WSCD2: variants seen among roughly 807,000 people sequenced by gnomAD.
The protein encoded by WSCD2 is WSC domain sialate O sulfotransferase 2.
Under a neutral mutation model 55.7 loss-of-function variants are expected in WSCD2, and 28 were observed. That is an observed-to-expected ratio of 0.50 (90% CI 0.37 to 0.69). WSCD2 has a LOEUF of 0.69. WSCD2 is among the 30% of genes least tolerant of loss of function. The probability of loss-of-function intolerance (pLI) is 0.00; values close to 1 mark genes in which losing one functional copy is unlikely to be tolerated. For missense variants in WSCD2, 616 were observed against 762.1 expected, an observed-to-expected ratio of 0.81 and a Z score of 2.26; for synonymous variants, 301 against 301.9, an observed-to-expected ratio of 1.00 and a Z score of 0.03.
chr12:108,211,383 A>G lies in WSCD2; in HGVS notation c.682+1078A>G, dbSNP rs116552362. Among the ~76,000 whole-genome samples, 266 of 152,184 alleles carry G rather than the reference A, an allele frequency of 1.7e-3. 3 individuals are homozygous for G. The highest frequency in any genetic ancestry group is 6.3e-3 in the African/African-American group (260 of 41,512). On this transcript the variant is annotated intron_variant, in intron 4 of 8. Transcript: ENST00000547525. ...AGATCTTGTTAAAATGCAGATTCCA[A>G]TTCAGCAGGTTCAGGGAGATGCTGC...
intron 1 of WSCD2, among the ~76,000 whole-genome samples, chr12:108,165,599 A>C (rs920823352): frequency 6.6e-6 from 1 of 152,168 alleles, no homozygotes; most frequent in African/African-American, 2.4e-5. Flanking sequence ...TGTTCTTTCT[A>C]TATGGGACCC....
intron 6 of WSCD2, among the ~76,000 whole-genome samples, chr12:108,230,290 G>A (rs1405476063): frequency 1.3e-5 from 2 of 152,042 alleles, no homozygotes; most frequent in African/African-American, 2.4e-5. Context: ...ACTTGGCTTC[G>A]ACACAGATGT....
At chr12:108,151,850 C>T (rs1878037271) in intron 1 of WSCD2, among the ~76,000 whole-genome samples, 1 of 152,236 alleles carries the variant, frequency 6.6e-6, no homozygotes, top group South Asian at 2.1e-4. Context: ...ACAGATAACA[C>T]TTCTCATCTT....
chr12:108,240,007 C>T, intron 7 of WSCD2, among the ~76,000 whole-genome samples: 1 of 152,218 alleles, frequency 6.6e-6, no homozygotes, highest in East Asian at 1.9e-4. Flanking sequence ...AGGCGTGAGC[C>T]ACTGTGCCTA....
intron 1 of WSCD2, among the ~76,000 whole-genome samples, chr12:108,140,003 G>A (rs1316769450): frequency 1.3e-5 from 2 of 152,214 alleles, no homozygotes; most frequent in African/African-American, 4.8e-5. Flanking sequence ...AAAAGAGAGA[G>A]GGTGAGCTGA....
At chr12:108,130,623 C>T (rs1216376719) in intron 1 of WSCD2, among the ~76,000 whole-genome samples, 4 of 152,094 alleles carry the variant, frequency 2.6e-5, no homozygotes, top group Non-Finnish European at 1.5e-5. Flanking sequence ...AGCCAACTCA[C>T]CTCCTTGGCA....
At chr12:108,199,279 G>C (rs1884354307) in intron 2 of WSCD2, among the ~76,000 whole-genome samples, 1 of 152,234 alleles carries the variant, frequency 6.6e-6, no homozygotes. Context: ...GGCTCTGCTT[G>C]ATGCAGTGAT....
intron 4 of WSCD2, among the ~76,000 whole-genome samples, chr12:108,224,338 C>T (rs958866046): frequency 6.6e-6 from 1 of 152,116 alleles, no homozygotes; most frequent in African/African-American, 2.4e-5. Context: ...TCCCTCAGTC[C>T]TCAAACACTC....
At chr12:108,179,334 T>G (rs1296770373) in intron 1 of WSCD2, among the ~76,000 whole-genome samples, 1 of 152,196 alleles carries the variant, frequency 6.6e-6, no homozygotes, top group Non-Finnish European at 1.5e-5. Context: ...TCACTCCAGT[T>G]TGAGAACTCC....
intron 1 of WSCD2, among the ~76,000 whole-genome samples, chr12:108,131,520 G>A (rs1875502741): frequency 1.3e-5 from 2 of 152,308 alleles, no homozygotes; most frequent in Admixed American, 6.5e-5. Flanking sequence ...GGGCTGAGAG[G>A]ACTAACTGAG....
chr12:108,199,450 A>G (rs550122791), intron 2 of WSCD2, among the ~76,000 whole-genome samples: 1 of 152,204 alleles, frequency 6.6e-6, no homozygotes. Flanking sequence ...CTCTAGGTTC[A>G]CATGGCCATG....
intron 1 of WSCD2, among the ~76,000 whole-genome samples, chr12:108,140,594 G>A (rs974286787): frequency 3.9e-5 from 6 of 152,146 alleles, no homozygotes; most frequent in Admixed American, 3.3e-4. Flanking sequence ...TAGTAGCTGG[G>A]GGCCCACACA....
intron 5 of WSCD2, 99 bp downstream of exon 5, chr12:108,224,959 G>GA: frequency 6.7e-7 from 1 of 1,503,496 alleles, no homozygotes; most frequent in Non-Finnish European, 8.9e-7. Context: ...AGCTCAGTCG[G>GA]GATAGATGTA....
intron 1 of WSCD2, among the ~76,000 whole-genome samples, chr12:108,145,669 A>G (rs571074137): frequency 2.0e-5 from 3 of 152,228 alleles, no homozygotes; most frequent in Non-Finnish European, 4.4e-5. Flanking sequence ...CGGTATACAC[A>G]TTCTTTTATT....
intron 7 of WSCD2, 159 bp downstream of exon 7, chr12:108,233,054 C>G (rs1888946506): frequency 1.6e-5 from 15 of 909,872 alleles, no homozygotes; most frequent in Admixed American, 2.8e-5. Flanking sequence ...GGTACCCCCC[C>G]ACCTTCCTTT....
intron 1 of WSCD2, among the ~76,000 whole-genome samples, chr12:108,170,286 T>A (rs1289044051): frequency 6.6e-6 from 1 of 152,110 alleles, no homozygotes; most frequent in Non-Finnish European, 1.5e-5. Context: ...CTATGCAGTG[T>A]AGTCACTACA....
At chr12:108,180,159 C>T (rs1881525730) in intron 1 of WSCD2, among the ~76,000 whole-genome samples, 1 of 151,588 alleles carries the variant, frequency 6.6e-6, no homozygotes, top group South Asian at 2.1e-4. Flanking sequence ...GAAATTAAGA[C>T]AGACCCCAAG....
At chr12:108,206,198 T>C (rs1481485654) in intron 2 of WSCD2, 91 bp from the exon 3 acceptor site, 6 of 1,036,214 alleles carry the variant, frequency 5.8e-6, no homozygotes, top group Non-Finnish European at 7.4e-6. Context: ...GTCAACAAGG[T>C]CACATAACCA....
Position 108,248,550 on chromosome 12 carries a change from T to TC in WSCD2, c.*213dup. The TC allele has an allele frequency of 1.4e-6, 2 of 1,381,798 alleles. No homozygotes were observed. Among genetic ancestry groups the TC allele is most frequent in the Non-Finnish European group, 1.9e-6 (2 of 1,069,200 alleles). The allele number at this position is 1,381,798 out of a possible 1,614,324, so 85.6% of individuals were successfully genotyped here. ...AGGCACTACCACTCTGCTCACATGT[T>TC]CCCCCCTTGGCAATGTGGGGCATCT... On this transcript the variant is annotated 3_prime_UTR_variant, in exon 9 of 9. Transcript: ENST00000547525. The surrounding 1 kb of genome is among the most constrained non-coding windows in gnomAD (Gnocchi z 4.3).
Sources: gnomAD v4.1 joint callset for allele counts (sites outside exome capture counted in the v4.1 genomes callset) on GRCh38, gnomAD v4.1.1 for gene constraint, Gnocchi (gnomAD v3.1) non-coding constraint, MANE v1.5 for transcripts, NCBI Gene and HGNC (gene_info 2026-07-23, HGNC 2026-07-21) for gene names.